The following GPC3 variants were observed in gnomAD, a reference collection of about 807,000 sequenced individuals.
GPC3 encodes glypican 3.
GPC3 carries 3 observed loss-of-function variants against 34.4 expected under a neutral mutation model. That is an observed-to-expected ratio of 0.09 (90% CI 0.04 to 0.23). The LOEUF (loss-of-function observed/expected upper bound fraction) is 0.23. GPC3 is among the 10% of genes least tolerant of loss of function. The probability of loss-of-function intolerance (pLI) is 1.00; values close to 1 mark genes in which losing one functional copy is unlikely to be tolerated. For synonymous variants in GPC3, 177 were observed against 174.0 expected (o/e 1.02, Z -0.13); for missense variants, 351 against 445.6 (o/e 0.79, Z 1.91).
intron 2 of GPC3, among the ~76,000 whole-genome samples, chrX:133,857,085 C>T (rs2075906284): frequency 9.0e-6 from 1 of 111,199 alleles, no homozygotes; most frequent in Non-Finnish European, 1.9e-5. Context: ...CAATCTCACC[C>T]ATTCTCATTT....
chrX:133,655,593 A>AAGACAGAC (rs1057178254), intron 6 of GPC3, among the ~76,000 whole-genome samples: 23 of 111,470 alleles, frequency 2.1e-4, no homozygotes, highest in Non-Finnish European at 4.0e-4. Flanking sequence ...GTGAACAAGT[A>AAGACAGAC]AGACAGACAC....
chrX:133,817,998 C>T (rs2075700652), intron 2 of GPC3, among the ~76,000 whole-genome samples: 1 of 111,295 alleles, frequency 9.0e-6, no homozygotes. Context: ...CCTTCTCTTA[C>T]TGTAAAATCT....
Position 133,985,389 on chromosome X carries a change from G to C in GPC3, c.61C>G (p.Pro21Ala). 2.5e-6 allele frequency: 3 copies of C among 1,194,197 alleles called. No homozygotes were observed. Among genetic ancestry groups the C allele is most frequent in the Non-Finnish European group, 3.4e-6 (3 of 886,799 alleles). Residue 21 changes from proline (P) to alanine (A), a missense_variant, in exon 1 of 8, where the codon CCG (proline) becomes GCG (alanine). Transcript: ENST00000370818. ...GGCGGCGGGGGCTGCGCCTGTCCCG[G>C]GAAGTCCAAGCTGAGCAGCATCGCC... ...VVAMLLSLDF[P>A]GQAQPPPPPP...
chrX:133,894,562 G>A (rs952805333), intron 2 of GPC3, among the ~76,000 whole-genome samples: 10 of 112,202 alleles, frequency 8.9e-5, no homozygotes, highest in Non-Finnish European at 1.5e-4. Flanking sequence ...TGAAGAGGCC[G>A]GGCACGGTGG....
intron 5 of GPC3, among the ~76,000 whole-genome samples, chrX:133,690,822 C>T (rs1397342333): frequency 8.9e-6 from 1 of 111,950 alleles, no homozygotes; most frequent in Non-Finnish European, 1.9e-5. Context: ...TTTGGTTAAA[C>T]AACTAATTAG....
At chrX:133,864,766 A>C (rs1787093071) in intron 2 of GPC3, among the ~76,000 whole-genome samples, 1 of 113,190 alleles carries the variant, frequency 8.8e-6, no homozygotes, top group African/African-American at 3.2e-5. Flanking sequence ...TCATGATGCA[A>C]GGAGGTTTCT....
intron 2 of GPC3, among the ~76,000 whole-genome samples, chrX:133,814,073 TAGTG>T (rs2075677580): frequency 1.8e-5 from 2 of 111,119 alleles, no homozygotes; most frequent in African/African-American, 3.3e-5. Context: ...TTAGGGAAAA[TAGTG>T]AGGCTTGAAG....
intron 2 of GPC3, among the ~76,000 whole-genome samples, chrX:133,843,136 A>G (rs1036136263): frequency 2.7e-5 from 3 of 111,466 alleles, no homozygotes; most frequent in Non-Finnish European, 3.8e-5. Context: ...CCAGCCCCAA[A>G]CAAGCCTTCA....
intron 2 of GPC3, among the ~76,000 whole-genome samples, chrX:133,757,261 T>C (rs1024877665): frequency 8.9e-5 from 10 of 111,946 alleles, no homozygotes; most frequent in Non-Finnish European, 1.7e-4. Flanking sequence ...GCAAGGTTTC[T>C]AGATATCTAG....
chrX:133,607,422 A>AT (rs11296907), intron 6 of GPC3, among the ~76,000 whole-genome samples: 91 of 108,118 alleles, frequency 8.4e-4, no homozygotes, highest in East Asian at 3.8e-3. Flanking sequence ...TTATTCACTG[A>AT]TTTTTTTTTT....
intron 3 of GPC3, among the ~76,000 whole-genome samples, chrX:133,737,324 C>G (rs886536669): frequency 3.6e-5 from 4 of 111,691 alleles, no homozygotes; most frequent in African/African-American, 6.5e-5. Context: ...ATGTGCCACA[C>G]CAAGAGTGAA....
At chrX:133,670,722 TAA>T (rs1458277757) in intron 5 of GPC3, among the ~76,000 whole-genome samples, 1 of 111,811 alleles carries the variant, frequency 8.9e-6, no homozygotes, top group Non-Finnish European at 1.9e-5. Context: ...TAAATAGCTT[TAA>T]AGACAAACCA....
intron 2 of GPC3, among the ~76,000 whole-genome samples, chrX:133,947,715 T>C (rs2076375153): frequency 8.9e-6 from 1 of 112,100 alleles, no homozygotes; most frequent in Non-Finnish European, 1.9e-5. Flanking sequence ...GCCAGCATCT[T>C]CTGGGCTCTA....
At chrX:133,687,412 G>A (rs1325287301) in intron 5 of GPC3, among the ~76,000 whole-genome samples, 2 of 44,825 alleles carry the variant, frequency 4.5e-5, no homozygotes, top group Non-Finnish European at 8.1e-5. Flanking sequence ...TTTTTTTTGA[G>A]ATGGAATCTT....
chrX:133,671,383 G>T, intron 5 of GPC3: 1 of 544,698 alleles, frequency 1.8e-6, no homozygotes, highest in East Asian at 3.3e-5. Flanking sequence ...AGTCGAAGAA[G>T]TAAAGGGCTG....
intron 2 of GPC3, among the ~76,000 whole-genome samples, chrX:133,791,277 A>G (rs1450738737): frequency 9.0e-6 from 1 of 111,545 alleles, no homozygotes; most frequent in East Asian, 2.8e-4. Flanking sequence ...CTTAGCACAC[A>G]GGGTACCTAA....
At chrX:133,776,518 A>G (rs865853503) in intron 2 of GPC3, among the ~76,000 whole-genome samples, 47 of 112,198 alleles carry the variant, frequency 4.2e-4, no homozygotes, top group African/African-American at 1.5e-3. Flanking sequence ...TCAAGTGAAG[A>G]GCCTCTCCAT....
At position 133,654,707 on chromosome X, in the gene GPC3, G is replaced by A. The variant is rs180844087; in HGVS notation, c.1413+7023C>T. Among the ~76,000 whole-genome samples, 31 of 106,137 alleles carry A rather than the reference G, an allele frequency of 2.9e-4. No homozygotes were observed. The East Asian group carries it at 6.8e-3, about 23-fold the overall frequency. The allele number at this position is 106,137 out of a possible 115,157, so 92.2% of individuals were successfully genotyped here. A position where few individuals can be genotyped will look rare whatever the true frequency, so the allele number is the denominator to read the frequency against. ...AGCCTGAGCGACTGAGTGAGACTCCGTCTCAAAAAACAAAAAACAAAAAAC... is the reference window on the plus strand; with the variant it reads ...AGCCTGAGCGACTGAGTGAGACTCCATCTCAAAAAACAAAAAACAAAAAAC... On this transcript the variant is annotated intron_variant, in intron 6 of 7. Coordinates refer to ENST00000370818, the MANE Select transcript of GPC3 (RefSeq NM_004484.4).
At chrX:133,670,981 C>T (rs772270422) in intron 5 of GPC3, 93 of 502,124 alleles carry the variant, frequency 1.9e-4, no homozygotes, top group African/African-American at 1.3e-3. Flanking sequence ...ATGAACGACA[C>T]GGTAACTATC....
Sources: allele counts gnomAD v4.1 joint callset (sites outside exome capture counted in the v4.1 genomes callset), GRCh38; gene constraint gnomAD v4.1.1; transcripts MANE v1.5; gene names NCBI Gene and HGNC (gene_info 2026-07-23, HGNC 2026-07-21).